PRPF39: variants seen among roughly 807,000 people sequenced by gnomAD.
PRPF39 encodes pre-mRNA processing factor 39.
In PRPF39, 27 loss-of-function variants were observed where a neutral mutation model predicts 82.1. The ratio of observed to expected loss-of-function variants is 0.33; its 90% CI spans 0.24 to 0.45. PRPF39 has a LOEUF of 0.45. Ranked by LOEUF, PRPF39 falls within the 20% of genes least tolerant of loss-of-function variation. The pLI is 1.00. For synonymous variants in PRPF39, 261 were observed against 256.4 expected (o/e 1.02, Z -0.17); for missense variants, 581 against 796.9 (o/e 0.73, Z 3.26).
At chr14:45,093,449 C>T (rs1884102430) in intron 1 of PRPF39, among the ~76,000 whole-genome samples, 2 of 152,108 alleles carry the variant, frequency 1.3e-5, no homozygotes, top group South Asian at 4.1e-4. Flanking sequence ...GTCTTGAACT[C>T]CTGACCTCAG....
In PRPF39 at chr14:45,112,409, A is replaced by G. The variant is rs372858774; in HGVS notation, c.1664A>G (p.Lys555Arg). The change falls in exon 11 of 14, where the codon AAA (lysine) becomes AGA (arginine). Residue 555 changes from lysine to arginine, a missense_variant. By Grantham distance (26) the Lys-to-Arg change is conservative (BLOSUM62 2). Coordinates refer to ENST00000355765, the MANE Select transcript of PRPF39 (RefSeq NM_017922.4). The part of the protein sequence containing the change: ...NEENILNCFD[K>R]AVHGSLPIKM... ...GAAAATATCCTAAATTGTTTTGACA[A>G]AGCTGTACATGGTTCATTACCTATT... 7 of 1,578,682 alleles carry G rather than the reference A, an allele frequency of 4.4e-6. No individual in the cohort carries two copies. Among genetic ancestry groups the G allele is most frequent in the Admixed American group, 4.1e-5 (2 of 48,880 alleles).
intron 1 of PRPF39, among the ~76,000 whole-genome samples, chr14:45,091,100 C>T (rs984383373): frequency 6.6e-6 from 1 of 151,718 alleles, no homozygotes; most frequent in Non-Finnish European, 1.5e-5. Flanking sequence ...GTCTCCCAGG[C>T]TTAGGAAAAA....
intron 5 of PRPF39, among the ~76,000 whole-genome samples, chr14:45,104,554 G>A (rs1311446843): frequency 6.6e-6 from 1 of 152,120 alleles, no homozygotes; most frequent in Non-Finnish European, 1.5e-5. Context: ...TGTAAATAGC[G>A]TTGCCTGTGA....
chr14:45,111,138 A>G (rs1884684416), intron 10 of PRPF39, among the ~76,000 whole-genome samples: 2 of 152,266 alleles, frequency 1.3e-5, no homozygotes, highest in South Asian at 4.1e-4. Context: ...TTCATAAACA[A>G]AAGCATAGGC....
chr14:45,113,275 T>G (rs1051665680), intron 11 of PRPF39, among the ~76,000 whole-genome samples: 1 of 152,252 alleles, frequency 6.6e-6, no homozygotes, highest in African/African-American at 2.4e-5. Flanking sequence ...ATGTTTATAT[T>G]AGTGTATTTT....
intron 10 of PRPF39, among the ~76,000 whole-genome samples, chr14:45,111,658 T>TTTTTG (rs1555355929): frequency 2.8e-5 from 4 of 143,388 alleles, no homozygotes; most frequent in Admixed American, 7.0e-5. Flanking sequence ...TTTTTTTTTT[T>TTTTTG]GAGACAGAGT....
At chr14:45,096,037 AG>A in intron 2 of PRPF39, 65 bp from the exon 3 acceptor site, 1 of 1,365,136 alleles carries the variant, frequency 7.3e-7, no homozygotes, top group Admixed American at 2.3e-5. Flanking sequence ...AACGTTTGAA[AG>A]GAATAATAAA....
intron 1 of PRPF39, among the ~76,000 whole-genome samples, chr14:45,087,351 C>T (rs917430539): frequency 1.3e-5 from 2 of 152,134 alleles, no homozygotes; most frequent in African/African-American, 4.8e-5. Context: ...CCTCTCACCT[C>T]GACTTCCAAA....
Position 45,109,668 on chromosome 14 carries a change from A to T in PRPF39, c.1064A>T (p.Asn355Ile), listed in dbSNP as rs1566698474. 1.2e-6 allele frequency: 2 copies of T among 1,608,126 alleles called. No individual in the cohort carries two copies. The highest frequency in any genetic ancestry group is 1.1e-5 in the South Asian group (1 of 90,098). The part of the protein sequence containing the change: ...VKPLEKAQLK[N>I]WKEYLEFEIE... ...CCTTTGGAAAAGGCACAACTAAAAAACTGGAAAGAATACTTAGAATTTGAA... is the reference window on the plus strand; with the variant it reads ...CCTTTGGAAAAGGCACAACTAAAAATCTGGAAAGAATACTTAGAATTTGAA... Residue 355 changes from asparagine (N) to isoleucine (I), a missense_variant, in exon 8 of 14, where the codon AAC becomes ATC. Coordinates refer to ENST00000355765, the MANE Select transcript of PRPF39 (RefSeq NM_017922.4).
chr14:45,108,484 G>T lies in PRPF39; in HGVS notation c.973G>T (p.Glu325Ter). 6.2e-7 allele frequency: 1 copy of T among 1,601,840 alleles called. No individual in the cohort carries two copies. The highest frequency in any genetic ancestry group is 1.1e-5 in the South Asian group (1 of 88,448). Residue 325 changes from glutamate (E) to a stop codon, truncating the protein, a stop_gained, in exon 7 of 14, where the codon GAG becomes TAG. Coordinates refer to ENST00000355765, the MANE Select transcript of PRPF39 (RefSeq NM_017922.4). LOFTEE classifies it high-confidence loss of function. ...TCATCAAGAAATGTTTAATTATAATGAGCATGAAGTTAGTAAAAGGTGGAC... is the reference window on the plus strand; with the variant it reads ...TCATCAAGAAATGTTTAATTATAATTAGCATGAAGTTAGTAAAAGGTGGAC... The part of the protein sequence containing the change: ...EIHQEMFNYN[E>*]HEVSKRWTFE...
intron 1 of PRPF39, among the ~76,000 whole-genome samples, chr14:45,090,900 T>C (rs1184232406): frequency 2.6e-5 from 4 of 152,148 alleles, no homozygotes; most frequent in Non-Finnish European, 4.4e-5. Flanking sequence ...CATCCCCACA[T>C]GTCCCATTTT....
Position 45,110,599 on chromosome 14 carries a change from C to G in PRPF39, c.1354C>G (p.Leu452Val), listed in dbSNP as rs1380445056. ...CTTGAAAACATTTGAAGAATGTGTT[C>G]TAGGATTGGCAATGGTTCGTTTACG... ...NILKTFEECV[L>V]GLAMVRLRRV... The change falls in exon 10 of 14, where the codon CTA (leucine) becomes GTA (valine). Residue 452 changes from leucine (L) to valine (V), a missense_variant. Physicochemically the swap from Leu to Val is conservative, Grantham distance 32. Transcript: ENST00000355765. This position sits in a 1 kb window ranked among gnomAD's most constrained non-coding sequence, Gnocchi z 4.0. 6.4e-7 allele frequency: 1 copy of G among 1,569,130 alleles called. No individual in the cohort carries two copies. The highest frequency in any genetic ancestry group is 1.9e-5 in the Admixed American group (1 of 53,146).
Position 45,095,375 on chromosome 14 carries a change from G to C in PRPF39, c.136G>C (p.Asp46His), listed in dbSNP as rs1418984683. 6.2e-6 allele frequency: 10 copies of C among 1,613,818 alleles called. No individual in the cohort carries two copies. The East Asian group carries it at 2.2e-4, about 36-fold the overall frequency. ...CGTTACAGAAATGGAACAGTCACCT[G>C]ATGACTCTCCCAATGTGAATGCATC... ...MNVTEMEQSP[D>H]DSPNVNASTE... The change falls in exon 2 of 14, where the codon GAT becomes CAT. Residue 46 changes from aspartate to histidine, a missense_variant. By Grantham distance (81) the Asp-to-His change is moderately conservative (BLOSUM62 -1). Transcript: ENST00000355765.
At chr14:45,099,441 GATT>G (rs200997489) in intron 4 of PRPF39, among the ~76,000 whole-genome samples, 2,852 of 151,648 alleles carry the variant, frequency 0.019, 32 homozygotes, top group African/African-American at 0.037. Flanking sequence ...TCTTCCATCA[GATT>G]ATTATTATTT....
Position 45,109,739 on chromosome 14 carries a change from T to G in PRPF39, c.1135T>G (p.Cys379Gly). 1 of 1,608,738 alleles carries G rather than the reference T, an allele frequency of 6.2e-7. No homozygotes were observed. The highest frequency in any genetic ancestry group is 8.5e-7 in the Non-Finnish European group (1 of 1,177,198). Residue 379 changes from cysteine (C) to glycine (G), a missense_variant, in exon 8 of 14, where the codon TGT becomes GGT. Cys to Gly is a radical substitution (Grantham distance 159, BLOSUM62 -3). Coordinates refer to ENST00000355765, the MANE Select transcript of PRPF39 (RefSeq NM_017922.4). ...ACGAGTTGTGGTTCTCTTTGAAAGA[T>G]GTGTCATATCATGTGCCCTCTATGA... ...HERVVVLFER[C>G]VISCALYEEF...
chr14:45,097,018 T>G lies in PRPF39; in HGVS notation c.569+13T>G, dbSNP rs544027064. 1 of 1,513,876 alleles carries G rather than the reference T, an allele frequency of 6.6e-7. No homozygotes were observed. Among genetic ancestry groups the G allele is most frequent in the East Asian group, 2.5e-5 (1 of 40,746 alleles). The allele number at this position is 1,513,876 out of a possible 1,614,324, so 93.8% of individuals were successfully genotyped here. ...ATACAATAAGAGGGTATGTGGAACA[T>G]TGATACTGAAATGTTTTTTATGATA... On this transcript the variant is annotated intron_variant, in intron 4 of 13. Transcript: ENST00000355765.
At chr14:45,113,752 A>G (rs1162255559) in intron 11 of PRPF39, among the ~76,000 whole-genome samples, 1 of 152,222 alleles carries the variant, frequency 6.6e-6, no homozygotes, top group Non-Finnish European at 1.5e-5. Context: ...CAGAGGACAC[A>G]GTGGCGGAAG....
In PRPF39 at chr14:45,116,113, A is replaced by G. The variant is rs1594739418; in HGVS notation, c.*1200A>G. The G allele has an allele frequency of 1.1e-6, 1 of 938,842 alleles. No individual in the cohort carries two copies. Among genetic ancestry groups the G allele is most frequent in the Non-Finnish European group, 1.7e-6 (1 of 586,786 alleles). The allele number at this position is 938,842 out of a possible 1,614,324, so 58.2% of individuals were successfully genotyped here. ...AGTTGACTCTTCCTTTACAATAGTA[A>G]CAAGTTCTAACTAGTTGTGTAAATT... On this transcript the variant is annotated 3_prime_UTR_variant, in exon 14 of 14. Coordinates refer to ENST00000355765, the MANE Select transcript of PRPF39 (RefSeq NM_017922.4).
At chr14:45,085,094 A>T (rs773844058) in intron 1 of PRPF39, among the ~76,000 whole-genome samples, 21 of 152,322 alleles carry the variant, frequency 1.4e-4, no homozygotes, top group Non-Finnish European at 2.6e-4. Flanking sequence ...TTGAGAAAGC[A>T]AGTTTTGGAC....
Sources: gnomAD v4.1 joint callset for allele counts (sites outside exome capture counted in the v4.1 genomes callset) on GRCh38, gnomAD v4.1.1 for gene constraint, Gnocchi (gnomAD v3.1) non-coding constraint, MANE v1.5 for transcripts, NCBI Gene and HGNC (gene_info 2026-07-23, HGNC 2026-07-21) for gene names.